Variants in SLC22A15 observed in about 807,000 individuals in gnomAD.
SLC22A15 encodes the protein solute carrier family 22 member 15, also known as flipt 1.
Under a neutral mutation model 62.7 loss-of-function variants are expected in SLC22A15, and 45 were observed. The observed-to-expected ratio is 0.72, with a 90% CI of 0.56 to 0.92. The LOEUF is 0.92. Ranked by LOEUF, SLC22A15 falls within the 40% of genes least tolerant of loss-of-function variation. The pLI, the probability that SLC22A15 is intolerant of heterozygous loss-of-function variation, is 0.00. For synonymous variants in SLC22A15, 264 were observed against 267.0 expected (o/e 0.99, Z 0.11); for missense variants, 622 against 665.6 (o/e 0.93, Z 0.72).
At chr1:115,986,581 C>G (rs1375103409) in intron 1 of SLC22A15, among the ~76,000 whole-genome samples, 1 of 152,104 alleles carries the variant, frequency 6.6e-6, no homozygotes, top group African/African-American at 2.4e-5. Flanking sequence ...ATGGGAAGGT[C>G]ATTTCAGGTA....
chr1:116,025,685 C>T (rs1253126570), intron 4 of SLC22A15, among the ~76,000 whole-genome samples: 1 of 152,220 alleles, frequency 6.6e-6, no homozygotes, highest in Non-Finnish European at 1.5e-5. Flanking sequence ...CTGCTACTTA[C>T]AGCTCTGTGT....
intron 1 of SLC22A15, among the ~76,000 whole-genome samples, chr1:115,979,654 C>T (rs146496771): frequency 3.3e-4 from 51 of 152,242 alleles, no homozygotes; most frequent in Admixed American, 1.2e-3. Context: ...TTGCTGCCAT[C>T]GTCACTATTT....
Position 116,064,481 on chromosome 1 carries a change from G to A in SLC22A15, c.1338G>A (p.Gly446=). 1 of 1,613,416 alleles carries A rather than the reference G, an allele frequency of 6.2e-7. No individual in the cohort carries two copies. Among genetic ancestry groups the A allele is most frequent in the Non-Finnish European group, 8.5e-7 (1 of 1,179,518 alleles). Residue 446 remains glycine, a synonymous_variant, in exon 10 of 12, where the codon GGG becomes GGA. Transcript: ENST00000369503. ...GTTCCATGTTCTCCCGAGTTGGTGGGATTATTGCTCCCTTCATCCCCTCAC... is the reference window on the plus strand; with the variant it reads ...GTTCCATGTTCTCCCGAGTTGGTGGAATTATTGCTCCCTTCATCCCCTCAC... ...GTCSMFSRVG[G]IIAPFIPSLK...
intron 2 of SLC22A15, among the ~76,000 whole-genome samples, chr1:115,996,387 C>A (rs1315446156): frequency 4.6e-5 from 7 of 152,098 alleles, no homozygotes; most frequent in Non-Finnish European, 8.8e-5. Flanking sequence ...TTGTGTTAAA[C>A]CTGCATATCA....
At chr1:116,040,506 C>T (rs143698379) in intron 8 of SLC22A15, among the ~76,000 whole-genome samples, 153 of 152,316 alleles carry the variant, frequency 1.0e-3, no homozygotes, top group African/African-American at 3.4e-3. Flanking sequence ...TCAAGCAACA[C>T]GTCCAAGGTT....
intron 8 of SLC22A15, among the ~76,000 whole-genome samples, chr1:116,042,391 A>T (rs2101498030): frequency 6.6e-6 from 1 of 152,174 alleles, no homozygotes; most frequent in Non-Finnish European, 1.5e-5. Context: ...GATTAGCAAC[A>T]GGTTAAACAC....
chr1:116,020,027 A>G (rs920936273), intron 3 of SLC22A15, among the ~76,000 whole-genome samples: 1 of 152,190 alleles, frequency 6.6e-6, no homozygotes, highest in Non-Finnish European at 1.5e-5. Context: ...AGACTGTGAC[A>G]GTGTACTAGG....
At position 116,062,769 on chromosome 1, in the gene SLC22A15, T is replaced by G. The variant is rs1448139900; in HGVS notation, c.1179T>G (p.Gly393=). The G allele has an allele frequency of 6.2e-7, 1 of 1,613,750 alleles. No individual in the cohort carries two copies. Among genetic ancestry groups the G allele is most frequent in the Non-Finnish European group, 8.5e-7 (1 of 1,179,806 alleles). The change falls in exon 9 of 12, where the codon GGT becomes GGG. Residue 393 remains glycine, a synonymous_variant. Coordinates refer to ENST00000369503, the MANE Select transcript of SLC22A15 (RefSeq NM_018420.3). ...VMFLPEKKDT[G]VFAVVNSHSL... ...TGCCCTTGTCCTCCTCAGACACAGG[T>G]GTGTTTGCAGTGGTGAACAGCCATT...
chr1:116,034,030 T>C (rs1205233173), intron 6 of SLC22A15, among the ~76,000 whole-genome samples: 1 of 152,152 alleles, frequency 6.6e-6, no homozygotes, highest in Non-Finnish European at 1.5e-5. Context: ...GAGATGGAAA[T>C]AAAACTTTCC....
intron 8 of SLC22A15, among the ~76,000 whole-genome samples, chr1:116,054,352 T>A (rs1002835379): frequency 1.3e-5 from 2 of 151,630 alleles, no homozygotes; most frequent in Non-Finnish European, 2.9e-5. Flanking sequence ...CAAGAAGAGC[T>A]AACTATCCTA....
chr1:115,982,713 A>T (rs998498499), intron 1 of SLC22A15, among the ~76,000 whole-genome samples: 1 of 152,170 alleles, frequency 6.6e-6, no homozygotes, highest in Non-Finnish European at 1.5e-5. Context: ...TCCTGATTCC[A>T]TTCATATAGT....
intron 8 of SLC22A15, among the ~76,000 whole-genome samples, chr1:116,060,294 G>A (rs1658347167): frequency 6.6e-6 from 1 of 152,234 alleles, no homozygotes; most frequent in Non-Finnish European, 1.5e-5. Context: ...CCCATTGGCA[G>A]GCACATACGA....
chr1:115,977,568 C>T (rs1367938573), intron 1 of SLC22A15, among the ~76,000 whole-genome samples: 1 of 152,234 alleles, frequency 6.6e-6, no homozygotes, highest in Non-Finnish European at 1.5e-5. Flanking sequence ...TTAGTATTTG[C>T]TGTGAGCCAG....
chr1:116,050,602 GA>G (rs1235950217), intron 8 of SLC22A15, among the ~76,000 whole-genome samples: 2 of 152,108 alleles, frequency 1.3e-5, no homozygotes, highest in African/African-American at 4.8e-5. Flanking sequence ...AGCCATCTAT[GA>G]CAAACCCACA....
At chr1:115,989,736 G>A (rs1307916996) in intron 1 of SLC22A15, among the ~76,000 whole-genome samples, 1 of 150,640 alleles carries the variant, frequency 6.6e-6, no homozygotes, top group Non-Finnish European at 1.5e-5. Context: ...AGCCAAGATC[G>A]CACCATTGTA....
intron 1 of SLC22A15, among the ~76,000 whole-genome samples, chr1:115,988,964 G>T (rs1345362608): frequency 2.0e-5 from 3 of 152,132 alleles, no homozygotes; most frequent in Non-Finnish European, 4.4e-5. Context: ...CTTATGGTTA[G>T]CAAAAGTAAG....
Position 116,025,366 on chromosome 1 carries a change from C to T in SLC22A15, c.599-1527C>T, listed in dbSNP as rs1047445943. Among the ~76,000 whole-genome samples, 8 of 152,298 alleles carry T rather than the reference C, an allele frequency of 5.3e-5. No individual in the cohort carries two copies. The East Asian group carries it at 9.7e-4, about 18-fold the overall frequency. ...AGTAGCTATTGACTGTCTTAAATTT[C>T]CAGGAAACTCACACTGTCCTCATCC... On this transcript the variant is annotated intron_variant, in intron 4 of 11. Coordinates refer to ENST00000369503, the MANE Select transcript of SLC22A15 (RefSeq NM_018420.3).
At chr1:116,063,180 A>G (rs906308731) in intron 9 of SLC22A15, among the ~76,000 whole-genome samples, 17 of 152,300 alleles carry the variant, frequency 1.1e-4, no homozygotes, top group Non-Finnish European at 2.1e-4. Flanking sequence ...ATTTTGGTGA[A>G]TTTTATTTAT....
At chr1:115,998,364 T>C (rs1432161179) in intron 2 of SLC22A15, among the ~76,000 whole-genome samples, 2 of 152,130 alleles carry the variant, frequency 1.3e-5, no homozygotes, top group Non-Finnish European at 2.9e-5. Flanking sequence ...GTAGGATTGG[T>C]ATTAGTTCTT....
Sources: allele counts gnomAD v4.1 joint callset (sites outside exome capture counted in the v4.1 genomes callset), GRCh38; gene constraint gnomAD v4.1.1; transcripts MANE v1.5; gene names NCBI Gene and HGNC (gene_info 2026-07-23, HGNC 2026-07-21).